VGLL4: variants seen among roughly 807,000 people sequenced by gnomAD.
The protein encoded by VGLL4 is transcription cofactor vestigial-like protein 4.
VGLL4 carries 7 observed loss-of-function variants against 21.0 expected under a neutral mutation model. The ratio of observed to expected loss-of-function variants is 0.33; its 90% CI spans 0.19 to 0.63. The LOEUF (loss-of-function observed/expected upper bound fraction) is 0.63, where lower values mean the gene tolerates loss of function less well. Among genes scored for constraint, VGLL4 ranks in the 20% least tolerant of loss-of-function variants. The pLI, the probability that VGLL4 is intolerant of heterozygous loss-of-function variation, is 0.78. For synonymous variants in VGLL4, 222 were observed against 173.2 expected (o/e 1.28, Z -2.21); for missense variants, 394 against 425.7 (o/e 0.93, Z 0.66).
chr3:11,566,956 G>A (rs1196678266), intron 2 of VGLL4, among the ~76,000 whole-genome samples: 2 of 152,166 alleles, frequency 1.3e-5, no homozygotes, highest in Non-Finnish European at 1.5e-5. Flanking sequence ...TGGAACTGTG[G>A]GTGGGCAGAA....
chr3:11,611,415 G>A (rs963599273), intron 1 of VGLL4, among the ~76,000 whole-genome samples: 9 of 152,166 alleles, frequency 5.9e-5, no homozygotes, highest in African/African-American at 1.9e-4. Flanking sequence ...AGAGCCTGCC[G>A]GAGAAATAAG....
At chr3:11,594,608 T>C (rs2074587665) in intron 2 of VGLL4, among the ~76,000 whole-genome samples, 1 of 152,216 alleles carries the variant, frequency 6.6e-6, no homozygotes, top group African/African-American at 2.4e-5. Flanking sequence ...ACAACCGATA[T>C]GAATTTACCA....
chr3:11,700,892 C>A (rs1431257455), intron 2 of VGLL4, among the ~76,000 whole-genome samples: 2 of 152,324 alleles, frequency 1.3e-5, no homozygotes, highest in East Asian at 3.9e-4. Context: ...ACTTCAATTT[C>A]TTTAGTAAGG....
At chr3:11,604,328 G>A (rs922583502) in intron 1 of VGLL4, 10 of 893,028 alleles carry the variant, frequency 1.1e-5, no homozygotes, top group Admixed American at 8.4e-5. Flanking sequence ...ACTTACCCAA[G>A]ATCCTCCAGT....
intron 1 of VGLL4, among the ~76,000 whole-genome samples, chr3:11,604,889 C>G (rs1015508972): frequency 7.0e-6 from 1 of 143,786 alleles, no homozygotes; most frequent in African/African-American, 2.5e-5. Flanking sequence ...TGTTATTCAT[C>G]GAAAAAAACA....
chr3:11,616,767 T>C (rs2075170789), intron 1 of VGLL4, among the ~76,000 whole-genome samples: 1 of 152,266 alleles, frequency 6.6e-6, no homozygotes, highest in African/African-American at 2.4e-5. Context: ...GTAGGACTAC[T>C]CCAGGAACTA....
At chr3:11,639,926 G>C (rs1477197508) in intron 1 of VGLL4, among the ~76,000 whole-genome samples, 1 of 151,974 alleles carries the variant, frequency 6.6e-6, no homozygotes. Context: ...GCACGGCATA[G>C]AAGATTCATA....
intron 1 of VGLL4, among the ~76,000 whole-genome samples, chr3:11,625,896 C>T (rs181027460): frequency 1.9e-3 from 283 of 152,034 alleles, no homozygotes; most frequent in Non-Finnish European, 3.2e-3. Context: ...ACCAGCAGGA[C>T]GGGGGAATGG....
chr3:11,558,972 G>A lies in VGLL4; in HGVS notation c.620-145C>T, dbSNP rs569005719. ...TCTGCAGACAGAACCCACCTCCCCCGGCTAAGTCAGGCACTTGGGCAGGTC... is the reference window on the plus strand; with the variant it reads ...TCTGCAGACAGAACCCACCTCCCCCAGCTAAGTCAGGCACTTGGGCAGGTC... On this transcript the variant is annotated intron_variant, in intron 4 of 4. Transcript: ENST00000430365. The A allele has an allele frequency of 6.0e-5, 59 of 980,624 alleles. No homozygotes were observed. In the Middle Eastern group the frequency reaches 1.6e-3, roughly 27 times the overall value. The allele number at this position is 980,624 out of a possible 1,614,324, so 60.7% of individuals were successfully genotyped here.
chr3:11,656,058 G>T (rs115734325), intron 2 of VGLL4, among the ~76,000 whole-genome samples: 2 of 152,328 alleles, frequency 1.3e-5, no homozygotes, highest in African/African-American at 4.8e-5. Flanking sequence ...AGGAGGGAGC[G>T]CAGGTGCACA....
intron 2 of VGLL4, chr3:11,702,756 A>C (rs1401306434): frequency 9.7e-6 from 3 of 308,058 alleles, no homozygotes; most frequent in Non-Finnish European, 1.8e-5. Context: ...AAAAAAAAAA[A>C]CAAACCAGTA....
rs1454011716 is a variant in VGLL4 at position 11,719,687 on chromosome 3, G to A, written c.-14+707C>T. Reference sequence around the variant, plus strand: ...AGCCGGGCTCCGCCAGGCCAGCCAGGCCACGCCCTCGGTCACGCCCCTCAC... The same window carrying A: ...AGCCGGGCTCCGCCAGGCCAGCCAGACCACGCCCTCGGTCACGCCCCTCAC... On this transcript the variant is annotated intron_variant, in intron 1 of 5. Transcript: ENST00000273038. The surrounding 1 kb of genome is among the most constrained non-coding windows in gnomAD (Gnocchi z 4.0). The A allele has an allele frequency of 6.6e-6, 1 of 152,122 alleles. No homozygotes were observed. Among genetic ancestry groups the A allele is most frequent in the African/African-American group, 2.4e-5 (1 of 41,406 alleles). The allele number at this position is 152,122 out of a possible 1,614,324, so 9.4% of individuals were successfully genotyped here.
intron 1 of VGLL4, among the ~76,000 whole-genome samples, chr3:11,604,890 G>A (rs866833305): frequency 6.9e-6 from 1 of 144,016 alleles, no homozygotes; most frequent in Non-Finnish European, 1.5e-5. Context: ...GTTATTCATC[G>A]AAAAAAACAA....
At chr3:11,623,134 G>T (rs2075296379) in intron 1 of VGLL4, among the ~76,000 whole-genome samples, 1 of 152,066 alleles carries the variant, frequency 6.6e-6, no homozygotes, top group East Asian at 1.9e-4. Flanking sequence ...GCATCCACAG[G>T]AACCCACACA....
chr3:11,637,056 TAA>T (rs34115389), intron 1 of VGLL4, among the ~76,000 whole-genome samples: 40 of 129,304 alleles, frequency 3.1e-4, no homozygotes, highest in Non-Finnish European at 2.5e-4. Context: ...CTATACAGGG[TAA>T]AAAAAAAAAA....
chr3:11,667,744 T>C (rs1233688183), intron 2 of VGLL4, among the ~76,000 whole-genome samples: 4 of 152,042 alleles, frequency 2.6e-5, no homozygotes, highest in Admixed American at 6.6e-5. Context: ...CATTATCCCT[T>C]GGGTTACATT....
intron 2 of VGLL4, among the ~76,000 whole-genome samples, chr3:11,569,566 A>G (rs532958857): frequency 4.4e-4 from 67 of 152,236 alleles, no homozygotes; most frequent in Non-Finnish European, 9.1e-4. Flanking sequence ...AAGAGATTCA[A>G]AGGAGGAGGG....
At chr3:11,626,784 G>A (rs763160496) in intron 1 of VGLL4, among the ~76,000 whole-genome samples, 1 of 152,094 alleles carries the variant, frequency 6.6e-6, no homozygotes, top group Non-Finnish European at 1.5e-5. Flanking sequence ...CACTAGGAAG[G>A]CAAAGCCAGT....
At chr3:11,651,252 A>G (rs957214545) in intron 2 of VGLL4, among the ~76,000 whole-genome samples, 3 of 151,808 alleles carry the variant, frequency 2.0e-5, no homozygotes, top group African/African-American at 4.8e-5. Context: ...CTGAGGCAGG[A>G]GAACTGCTTG....
Sources: allele counts gnomAD v4.1 joint callset (sites outside exome capture counted in the v4.1 genomes callset), GRCh38; gene constraint gnomAD v4.1.1; non-coding constraint Gnocchi (gnomAD v3.1); transcripts MANE v1.5; gene names NCBI Gene and HGNC (gene_info 2026-07-23, HGNC 2026-07-21).